CD8B2: variants seen among roughly 807,000 people sequenced by gnomAD.
The protein encoded by CD8B2 is T-cell surface glycoprotein CD8 beta-2 chain.
Under a neutral mutation model 23.7 loss-of-function variants are expected in CD8B2, and 11 were observed. The ratio of observed to expected loss-of-function variants is 0.46; its 90% CI spans 0.29 to 0.77. CD8B2 has a LOEUF of 0.77. Ranked by LOEUF, CD8B2 falls within the 30% of genes least tolerant of loss-of-function variation. The pLI is 0.09. For missense variants in CD8B2, 197 were observed against 270.5 expected (o/e 0.73, Z 1.91); for synonymous variants, 90 against 109.3 (o/e 0.82, Z 1.10).
intron 5 of CD8B2, among the ~76,000 whole-genome samples, chr2:106,541,053 G>C (rs1270466147): frequency 6.6e-6 from 1 of 152,140 alleles, no homozygotes. Context: ...GTTTTGCAGA[G>C]AGCTGGATGT....
At chr2:106,500,632 T>G (rs1281246546) in intron 3 of CD8B2, among the ~76,000 whole-genome samples, 1 of 151,822 alleles carries the variant, frequency 6.6e-6, no homozygotes, top group Non-Finnish European at 1.5e-5. Context: ...TTAGCACATA[T>G]GTATTCAGTA....
At chr2:106,521,101 C>T (rs957084456) in intron 5 of CD8B2, among the ~76,000 whole-genome samples, 6 of 150,728 alleles carry the variant, frequency 4.0e-5, no homozygotes, top group East Asian at 2.0e-4. Flanking sequence ...AGATAGATGC[C>T]GAATGGGAAT....
chr2:106,517,035 A>T (rs4577274), intron 5 of CD8B2, among the ~76,000 whole-genome samples: 146,255 of 148,542 alleles, frequency 0.98, 72,039 homozygotes, highest in East Asian at 1. Context: ...AAATTAATAT[A>T]CATGAAATAA....
At chr2:106,505,020 C>T (rs1413794580) in intron 5 of CD8B2, among the ~76,000 whole-genome samples, 6 of 152,310 alleles carry the variant, frequency 3.9e-5, no homozygotes, top group African/African-American at 1.4e-4. Flanking sequence ...GAGAAAGCGC[C>T]TGTACTTACC....
At chr2:106,511,633 G>T (rs375030464), downstream of CD8B2, among the ~76,000 whole-genome samples, 7,978 of 151,832 alleles carry the variant, frequency 0.053, 236 homozygotes, top group Middle Eastern at 0.12. Context: ...AGTGATCCCC[G>T]ACCCCGCGTG....
chr2:106,534,399 C>A (rs1344100789), intron 5 of CD8B2, among the ~76,000 whole-genome samples: 3 of 152,002 alleles, frequency 2.0e-5, no homozygotes, highest in African/African-American at 7.2e-5. Flanking sequence ...AGATCCGATG[C>A]CAACAACAAC....
downstream of CD8B2, among the ~76,000 whole-genome samples, chr2:106,515,487 G>C (rs1447690665): frequency 1.3e-5 from 2 of 152,162 alleles, no homozygotes; most frequent in Non-Finnish European, 2.9e-5. Flanking sequence ...TGCCCTTAGA[G>C]GAAGAGGAAG....
intron 5 of CD8B2, among the ~76,000 whole-genome samples, chr2:106,523,391 G>C (rs989273460): frequency 1.3e-5 from 2 of 151,994 alleles, no homozygotes; most frequent in African/African-American, 4.8e-5. Context: ...GCTCTAGCAG[G>C]GGGGGTCAAC....
chr2:106,519,481 G>T (rs1320100568), intron 5 of CD8B2, among the ~76,000 whole-genome samples: 2 of 152,202 alleles, frequency 1.3e-5, no homozygotes, highest in African/African-American at 4.8e-5. Context: ...TAAGGGAAGC[G>T]CCTTACAGAG....
At chr2:106,540,364 G>A (rs1167314689) in intron 5 of CD8B2, among the ~76,000 whole-genome samples, 1 of 152,058 alleles carries the variant, frequency 6.6e-6, no homozygotes, top group Non-Finnish European at 1.5e-5. Context: ...AGCCCTAGGA[G>A]ACCAGCCCAC....
intron 5 of CD8B2, among the ~76,000 whole-genome samples, chr2:106,530,811 A>C (rs1477839405): frequency 1.3e-5 from 2 of 152,128 alleles, no homozygotes; most frequent in Non-Finnish European, 1.5e-5. Context: ...AATCTCACGA[A>C]ACCCAAGAAG....
intron 3 of CD8B2, 108 bp downstream of exon 3, chr2:106,496,370 G>T: frequency 1.4e-6 from 2 of 1,452,224 alleles, no homozygotes; most frequent in South Asian, 1.3e-5. Context: ...CAACTCTAGA[G>T]CCTATCTCCC....
chr2:106,524,244 G>A (rs1255371610), intron 5 of CD8B2, among the ~76,000 whole-genome samples: 1 of 152,136 alleles, frequency 6.6e-6, no homozygotes, highest in Non-Finnish European at 1.5e-5. Flanking sequence ...TTGTGGGTCA[G>A]AGTTCTATTT....
chr2:106,514,272 AG>A (rs1325644421), downstream of CD8B2, among the ~76,000 whole-genome samples: 1 of 141,722 alleles, frequency 7.1e-6, no homozygotes, highest in African/African-American at 2.6e-5. Context: ...GGGTGGGTGC[AG>A]GGGAACGCTT....
intron 5 of CD8B2, among the ~76,000 whole-genome samples, chr2:106,541,937 TGC>T (rs1680180011): frequency 2.0e-5 from 3 of 152,192 alleles, no homozygotes; most frequent in African/African-American, 7.2e-5. Flanking sequence ...GCCATCCCAT[TGC>T]AGTGTAAGCT....
intron 5 of CD8B2, among the ~76,000 whole-genome samples, chr2:106,532,958 G>T (rs187893748): frequency 7.5e-4 from 114 of 152,328 alleles, no homozygotes; most frequent in African/African-American, 2.6e-3. Context: ...AGATGGAGTT[G>T]TTCTGGTTCA....
At chr2:106,491,886 C>T (rs893675357) in intron 2 of CD8B2, among the ~76,000 whole-genome samples, 8 of 152,164 alleles carry the variant, frequency 5.3e-5, no homozygotes, top group African/African-American at 1.9e-4. Flanking sequence ...GCAGTGCGGT[C>T]CTTCAGGCCA....
chr2:106,515,380 C>A (rs775879548), downstream of CD8B2, among the ~76,000 whole-genome samples: 1 of 152,270 alleles, frequency 6.6e-6, no homozygotes, highest in South Asian at 2.1e-4. Context: ...CATGTTGAAA[C>A]CTTAGCCCCC....
intron 5 of CD8B2, among the ~76,000 whole-genome samples, chr2:106,542,190 C>T (rs1200343949): frequency 2.0e-5 from 3 of 152,240 alleles, no homozygotes; most frequent in Non-Finnish European, 4.4e-5. Context: ...AGTTCACGGT[C>T]TCCGTCTCTG....
Sources: allele counts gnomAD v4.1 joint callset (sites outside exome capture counted in the v4.1 genomes callset), GRCh38; gene constraint gnomAD v4.1.1; transcripts MANE v1.5; gene names NCBI Gene and HGNC (gene_info 2026-07-23, HGNC 2026-07-21).